Variants in ANK3 observed in about 807,000 individuals in gnomAD.
The protein encoded by ANK3 is ankyrin-3.
Under a neutral mutation model 370.9 loss-of-function variants are expected in ANK3, and 57 were observed. The ratio of observed to expected loss-of-function variants is 0.15; its 90% confidence interval spans 0.12 to 0.19. The LOEUF (loss-of-function observed/expected upper bound fraction) is 0.19, where lower values mean the gene tolerates loss of function less well. Ranked by LOEUF, ANK3 falls within the 10% of genes least tolerant of loss-of-function variation. ANK3 has a pLI of 1.00. For synonymous variants in ANK3, 1,929 were observed against 1,946.3 expected (o/e 0.99, Z 0.23); for missense variants, 4,439 against 5,302.1 (o/e 0.84, Z 5.06).
At chr10:60,316,735 G>GTTTTTA (rs959132525) in intron 1 of ANK3, among the ~76,000 whole-genome samples, 1 of 151,716 alleles carries the variant, frequency 6.6e-6, no homozygotes, top group Non-Finnish European at 1.5e-5. Flanking sequence ...TATTCCATAT[G>GTTTTTA]TTTTTATTTT....
In ANK3 at chr10:60,481,937, G is replaced by A. The variant is rs113428976; in HGVS notation, c.96+133249C>T. The stretch of plus-strand genomic sequence containing the variant: ...GGTTTACAGTACACACTCCCTGAGC[G>A]ATATTCCTTAAAACAGGCATGTCCA... On this transcript the variant is annotated intron_variant, in intron 2 of 43. Transcript: ENST00000373827. 6.5e-3 allele frequency among the ~76,000 whole-genome samples: 985 copies of A among 152,270 alleles called. 13 individuals are homozygous for A. Among genetic ancestry groups the A allele is most frequent in the African/African-American group, 0.022 (929 of 41,556 alleles).
chr10:60,318,757 CT>C (rs965306776), intron 1 of ANK3, among the ~76,000 whole-genome samples: 4 of 152,126 alleles, frequency 2.6e-5, no homozygotes, highest in African/African-American at 9.7e-5. Context: ...AACATTATCT[CT>C]TTTTTTAAAT....
rs762043039 is a variant in ANK3, at chr10:60,071,840, T to G, written c.9041A>C (p.Asp3014Ala). 1 of 1,613,224 alleles carries G rather than the reference T, an allele frequency of 6.2e-7. No individual in the cohort carries two copies. The highest frequency in any genetic ancestry group is 8.5e-7 in the Non-Finnish European group (1 of 1,179,610). The change falls in exon 37 of 44, where the codon GAT becomes GCT. Residue 3014 changes from aspartate to alanine, a missense_variant. Asp to Ala is a moderately radical substitution (Grantham distance 126). Transcript: ENST00000280772. The stretch of plus-strand genomic sequence containing the variant: ...GATTTCTGAATAGGTAACTTTTTCA[T>G]CTTCTATAGAATTAAAGTGCTGTGT... Reference protein sequence around the residue: ...VETQHFNSIEDEKVTYSEISK... With the variant: ...VETQHFNSIEAEKVTYSEISK...
chr10:60,393,481 T>C (rs927090995), upstream of ANK3, among the ~76,000 whole-genome samples: 4 of 152,176 alleles, frequency 2.6e-5, no homozygotes, highest in Admixed American at 1.3e-4. Flanking sequence ...AATAAAAATA[T>C]CTTTCCATGT....
chr10:60,621,277 G>C (rs1285290416), intron 1 of ANK3, among the ~76,000 whole-genome samples: 2 of 152,210 alleles, frequency 1.3e-5, no homozygotes, highest in Non-Finnish European at 2.9e-5. Flanking sequence ...CTTTGAGAGA[G>C]AGAGGTGCTA....
chr10:60,036,422 ATTTTTTTTTTTTTTT>A (rs563946588), intron 43 of ANK3, among the ~76,000 whole-genome samples: 14 of 72,294 alleles, frequency 1.9e-4, no homozygotes, highest in Admixed American at 7.9e-4. Flanking sequence ...GTCAGAGGCA[ATTTTTTTTTTTTTTT>A]TTTTTTTTTT....
intron 21 of ANK3, among the ~76,000 whole-genome samples, chr10:60,167,845 T>C (rs906094027): frequency 6.6e-6 from 1 of 152,174 alleles, no homozygotes; most frequent in South Asian, 2.1e-4. Context: ...TCCCCAATTA[T>C]TGTGTTGAAA....
chr10:60,202,290 T>A lies in ANK3; in HGVS notation c.1392+712A>T, dbSNP rs576718087. Among the ~76,000 whole-genome samples the A allele has an allele frequency of 9.9e-5, 15 of 152,042 alleles. No individual in the cohort carries two copies. In the East Asian group the frequency reaches 2.7e-3, roughly 28 times the overall value. On this transcript the variant is annotated intron_variant, in intron 12 of 43. Transcript: ENST00000280772. ...GCATGCGCCACCATGCCTGGCTAAT[T>A]TTGTATTTTTTAGTAGAGACGGGGG...
chr10:60,633,944 T>G (rs964833509), intron 1 of ANK3, among the ~76,000 whole-genome samples: 21 of 152,212 alleles, frequency 1.4e-4, no homozygotes, highest in African/African-American at 4.3e-4. Flanking sequence ...GAGAGGGTAT[T>G]TTAACATAAG....
intron 16 of ANK3, among the ~76,000 whole-genome samples, chr10:60,188,584 C>T (rs958124405): frequency 6.6e-5 from 10 of 152,120 alleles, no homozygotes; most frequent in African/African-American, 2.4e-4. Context: ...CTGCTGCACC[C>T]AGTACTCAGC....
intron 7 of ANK3, among the ~76,000 whole-genome samples, chr10:60,256,037 G>A (rs2097730118): frequency 6.6e-6 from 1 of 152,222 alleles, no homozygotes; most frequent in Non-Finnish European, 1.5e-5. Context: ...CTCCAAGGAA[G>A]GGGGCACAGC....
At chr10:60,416,469 C>T (rs80096794) in intron 2 of ANK3, among the ~76,000 whole-genome samples, 2 of 152,184 alleles carry the variant, frequency 1.3e-5, no homozygotes, top group East Asian at 3.9e-4. Context: ...AAAGCCAAAC[C>T]AAAGAGGACA....
intron 7 of ANK3, among the ~76,000 whole-genome samples, chr10:60,254,628 G>A (rs1250542542): frequency 6.6e-6 from 1 of 152,204 alleles, no homozygotes; most frequent in African/African-American, 2.4e-5. Context: ...AGAGCTGAAT[G>A]CAAAGTCTCC....
At chr10:60,280,554 C>T (rs2132709678) in intron 1 of ANK3, among the ~76,000 whole-genome samples, 1 of 152,284 alleles carries the variant, frequency 6.6e-6, no homozygotes, top group East Asian at 1.9e-4. Flanking sequence ...TCTATAATTT[C>T]ATAGTTGAAA....
At chr10:60,594,438 T>C (rs1180721848) in intron 2 of ANK3, among the ~76,000 whole-genome samples, 3 of 152,206 alleles carry the variant, frequency 2.0e-5, no homozygotes, top group Non-Finnish European at 4.4e-5. Context: ...ATGAACTTCT[T>C]CGAAAAATCT....
chr10:60,575,536 C>A (rs2077672345), intron 2 of ANK3, among the ~76,000 whole-genome samples: 1 of 152,094 alleles, frequency 6.6e-6, no homozygotes, highest in Admixed American at 6.5e-5. Context: ...ATTTAGATAG[C>A]AAAATGTATC....
chr10:60,484,982 G>T (rs149663664), intron 2 of ANK3, among the ~76,000 whole-genome samples: 5 of 151,918 alleles, frequency 3.3e-5, no homozygotes, highest in African/African-American at 1.2e-4. Context: ...AATTAAATCC[G>T]ATATTTCCTT....
rs1472338625 is a variant in ANK3, at chr10:60,027,952, C to T, written c.*1894G>A. 2 of 152,090 alleles carry T rather than the reference C, an allele frequency of 1.3e-5. No homozygotes were observed. The highest frequency in any genetic ancestry group is 4.8e-5 in the African/African-American group (2 of 41,400). The allele number at this position is 152,090 out of a possible 1,614,324, so 9.4% of individuals were successfully genotyped here. On this transcript the variant is annotated 3_prime_UTR_variant, in exon 44 of 44. Transcript: ENST00000280772. Reference sequence around the variant, plus strand: ...CTTCTGGGAATGAGGTCCATTGTTGCCAAATCTTGCTTTTTAAGAGATGTT... The same window carrying T: ...CTTCTGGGAATGAGGTCCATTGTTGTCAAATCTTGCTTTTTAAGAGATGTT...
intron 2 of ANK3, among the ~76,000 whole-genome samples, chr10:60,513,024 G>A (rs1216923485): frequency 6.6e-6 from 1 of 152,082 alleles, no homozygotes; most frequent in Non-Finnish European, 1.5e-5. Context: ...ACACAGCTGT[G>A]TCTCAATGAG....
Sources: allele counts gnomAD v4.1 joint callset (sites outside exome capture counted in the v4.1 genomes callset), GRCh38; gene constraint gnomAD v4.1.1; transcripts MANE v1.5; gene names NCBI Gene and HGNC (gene_info 2026-07-23, HGNC 2026-07-21).